The following BMAL1 variants were observed in gnomAD, a reference collection of about 807,000 sequenced individuals.
The protein encoded by BMAL1 is basic helix-loop-helix ARNT like 1, also known as basic helix-loop-helix ARNT-like protein 1.
At chr11:13,361,713 G>A in the BMAL1 span, among the ~76,000 whole-genome samples, 1 of 152,164 alleles carries the variant, frequency 6.6e-6, no homozygotes, top group South Asian at 2.1e-4. Context: ...TCTGGAGTAG[G>A]TTATGTTGGG....
chr11:13,370,748 T>C, the BMAL1 span, among the ~76,000 whole-genome samples: 1 of 152,206 alleles, frequency 6.6e-6, no homozygotes, highest in Non-Finnish European at 1.5e-5. Context: ...AGGATGATCT[T>C]TTTATCAGTC....
the BMAL1 span, among the ~76,000 whole-genome samples, chr11:13,319,856 A>G: frequency 6.6e-6 from 1 of 152,172 alleles, no homozygotes; most frequent in Non-Finnish European, 1.5e-5. Flanking sequence ...CCTGCCAGGG[A>G]GTGCCAGGCC....
the BMAL1 span, chr11:13,378,591 T>G: frequency 4.9e-5 from 53 of 1,082,236 alleles, no homozygotes; most frequent in South Asian, 7.6e-4. Context: ...ATCCTGTGGA[T>G]AGAGACCAGG....
chr11:13,279,646 T>C, the BMAL1 span, among the ~76,000 whole-genome samples: 1 of 152,346 alleles, frequency 6.6e-6, no homozygotes, highest in Non-Finnish European at 1.5e-5. Flanking sequence ...TTTTTGAAAA[T>C]ACAAAATTCA....
chr11:13,373,233 A>G, the BMAL1 span, among the ~76,000 whole-genome samples: 1 of 152,182 alleles, frequency 6.6e-6, no homozygotes, highest in South Asian at 2.1e-4. Flanking sequence ...CTCCTGTAGG[A>G]TTCACAATTA....
At chr11:13,312,070 A>C in the BMAL1 span, among the ~76,000 whole-genome samples, 1 of 152,154 alleles carries the variant, frequency 6.6e-6, no homozygotes, top group African/African-American at 2.4e-5. Context: ...GTTTGTGTGA[A>C]TATAGCAGTT....
chr11:13,323,410 A>G, the BMAL1 span, among the ~76,000 whole-genome samples: 1 of 152,182 alleles, frequency 6.6e-6, no homozygotes, highest in African/African-American at 2.4e-5. Flanking sequence ...GACCTAACAT[A>G]ACTAAACAGA....
the BMAL1 span, among the ~76,000 whole-genome samples, chr11:13,360,895 A>T: frequency 2.1e-4 from 32 of 152,240 alleles, no homozygotes; most frequent in South Asian, 4.1e-4. Context: ...AGACGGGCAG[A>T]TCACCTGAGG....
the BMAL1 span, among the ~76,000 whole-genome samples, chr11:13,344,207 C>T: frequency 6.6e-6 from 1 of 152,196 alleles, no homozygotes; most frequent in Non-Finnish European, 1.5e-5. Context: ...AGCACCCCTC[C>T]ACACACACCC....
chr11:13,355,724 T>TC, the BMAL1 span, among the ~76,000 whole-genome samples: 1 of 152,182 alleles, frequency 6.6e-6, no homozygotes, highest in East Asian at 1.9e-4. Flanking sequence ...TTTTTGTCCT[T>TC]CCGTGCGGCC....
At chr11:13,282,231 G>A in the BMAL1 span, among the ~76,000 whole-genome samples, 1 of 152,314 alleles carries the variant, frequency 6.6e-6, no homozygotes, top group Non-Finnish European at 1.5e-5. Flanking sequence ...TACTGGCTTC[G>A]TGACTTGTGG....
the BMAL1 span, among the ~76,000 whole-genome samples, chr11:13,383,899 T>C: frequency 1.5e-4 from 23 of 151,976 alleles, no homozygotes; most frequent in African/African-American, 5.1e-4. Flanking sequence ...GGAGGGAAAA[T>C]GTCCATCATT....
At chr11:13,292,555 A>AAT in the BMAL1 span, among the ~76,000 whole-genome samples, 31 of 151,350 alleles carry the variant, frequency 2.0e-4, no homozygotes, top group South Asian at 4.2e-4. Flanking sequence ...TCAAAAAAAA[A>AAT]AAAATAAAAT....
At chr11:13,335,459 G>T in the BMAL1 span, among the ~76,000 whole-genome samples, 2 of 152,176 alleles carry the variant, frequency 1.3e-5, no homozygotes, top group African/African-American at 4.8e-5. Context: ...GGGAATGTGT[G>T]TGGGTGATCT....
At chr11:13,295,762 G>A in the BMAL1 span, among the ~76,000 whole-genome samples, 1 of 152,184 alleles carries the variant, frequency 6.6e-6, no homozygotes, top group Non-Finnish European at 1.5e-5. Flanking sequence ...AGCTTTGTCT[G>A]AAGGCAAGCT....
chr11:13,329,998 T>A, the BMAL1 span, among the ~76,000 whole-genome samples: 1 of 152,226 alleles, frequency 6.6e-6, no homozygotes, highest in African/African-American at 2.4e-5. Context: ...AAGTCTAACA[T>A]GTGACAGCTC....
At chr11:13,315,961 C>T in the BMAL1 span, among the ~76,000 whole-genome samples, 1 of 152,236 alleles carries the variant, frequency 6.6e-6, no homozygotes, top group Non-Finnish European at 1.5e-5. Flanking sequence ...TTCCATGGTT[C>T]TGCATCAGAA....
chr11:13,348,772 G>A, the BMAL1 span, among the ~76,000 whole-genome samples: 3 of 152,288 alleles, frequency 2.0e-5, no homozygotes, highest in South Asian at 4.1e-4. Context: ...GACAGTGAGC[G>A]TTCCTGAATC....
chr11:13,376,141 A>G, the BMAL1 span, among the ~76,000 whole-genome samples: 4 of 152,294 alleles, frequency 2.6e-5, no homozygotes, highest in African/African-American at 9.6e-5. Context: ...TTGGCTGAGG[A>G]TGGGGAGGTC....
Sources: allele counts gnomAD v4.1 joint callset (sites outside exome capture counted in the v4.1 genomes callset), GRCh38; gene constraint gnomAD v4.1.1; transcripts MANE v1.5; gene names NCBI Gene and HGNC (gene_info 2026-07-23, HGNC 2026-07-21).